The following CBR4 variants were observed in gnomAD, a reference collection of about 807,000 sequenced individuals.
CBR4 encodes carbonyl reductase 4.
In CBR4, 22 loss-of-function variants were observed where a neutral mutation model predicts 21.0. The ratio of observed to expected loss-of-function variants is 1.05; its 90% CI spans 0.75 to 1.50. The LOEUF is 1.50. Among genes scored for constraint, CBR4 ranks in the 40% most tolerant of loss-of-function variants. The probability of loss-of-function intolerance (pLI) is 0.00; values close to 1 mark genes in which losing one functional copy is unlikely to be tolerated. For missense variants in CBR4, 302 were observed against 286.3 expected (o/e 1.05, Z -0.40); for synonymous variants, 100 against 104.4 (o/e 0.96, Z 0.26).
At chr4:168,993,824 C>T (rs940036282) in intron 4 of CBR4, among the ~76,000 whole-genome samples, 5 of 152,124 alleles carry the variant, frequency 3.3e-5, no homozygotes, top group African/African-American at 1.2e-4. Context: ...CTATGCAAAT[C>T]CCAGGCTCAA....
At position 168,941,260 on chromosome 4, in the gene CBR4, A is replaced by G. The variant is rs563946297; in HGVS notation, n.170-46495T>C. 9.9e-4 allele frequency among the ~76,000 whole-genome samples: 150 copies of G among 152,246 alleles called. 1 individual carries two copies. The highest frequency in any genetic ancestry group is 3.5e-3 in the African/African-American group (145 of 41,554). On this transcript the variant is annotated intron_variant and non_coding_transcript_variant, in intron 2 of 3. Transcript: ENST00000509108. ...TTGATGGGTGCAGCAAACCACCACA[A>G]CACATGTATACCTATGTAACAAACC...
chr4:168,921,500 A>G lies in CBR4; in HGVS notation n.170-26735T>C, dbSNP rs767780298. On this transcript the variant is annotated intron_variant and non_coding_transcript_variant, in intron 2 of 3. Coordinates refer to the CBR4 transcript ENST00000509108. ...ACCAGTGATTTCACTCTGTTTTAAT[A>G]CAAAAATTTACATGTATTTCTTTTA... 10 of 1,445,698 alleles carry G rather than the reference A, an allele frequency of 6.9e-6. No homozygotes were observed. In the Admixed American group the frequency reaches 9.8e-5, roughly 14 times the overall value. The allele number at this position is 1,445,698 out of a possible 1,614,324, so 89.6% of individuals were successfully genotyped here.
chr4:169,004,181 C>A (rs939034416), intron 3 of CBR4, among the ~76,000 whole-genome samples: 4 of 152,180 alleles, frequency 2.6e-5, no homozygotes, highest in African/African-American at 9.7e-5. Flanking sequence ...AGGCAAGACC[C>A]TCCGCCAGCA....
At chr4:168,939,925 T>C (rs1763215996) in intron 2 of CBR4, among the ~76,000 whole-genome samples, 1 of 152,138 alleles carries the variant, frequency 6.6e-6, no homozygotes, top group Non-Finnish European at 1.5e-5. Context: ...CTTCACAGAA[T>C]TAGAAAAAAC....
At chr4:168,921,866 A>G in intron 2 of CBR4, 1 of 802,802 alleles carries the variant, frequency 1.2e-6, no homozygotes, top group Non-Finnish European at 2.1e-6. Context: ...GTATCATCAA[A>G]ATAGCCAATG....
chr4:168,923,096 G>A (rs1049312127), intron 2 of CBR4, among the ~76,000 whole-genome samples: 2 of 152,210 alleles, frequency 1.3e-5, no homozygotes, highest in Non-Finnish European at 2.9e-5. Flanking sequence ...CTGCAAAGTG[G>A]TAGATGTTAT....
chr4:168,918,394 T>C (rs1405316849), intron 2 of CBR4, among the ~76,000 whole-genome samples: 1 of 151,862 alleles, frequency 6.6e-6, no homozygotes, highest in Non-Finnish European at 1.5e-5. Context: ...ACAACATGGA[T>C]GAACCTGGAG....
chr4:168,919,628 A>G (rs1285113621), intron 2 of CBR4, among the ~76,000 whole-genome samples: 1 of 152,066 alleles, frequency 6.6e-6, no homozygotes, highest in African/African-American at 2.4e-5. Context: ...CCTGACGATA[A>G]GCCAAACACT....
chr4:168,961,433 T>C (rs1217371944), intron 2 of CBR4, among the ~76,000 whole-genome samples: 19 of 152,152 alleles, frequency 1.2e-4, no homozygotes, highest in Admixed American at 1.2e-3. Flanking sequence ...TCCAAAAGAA[T>C]CTAAAACATT....
intron 2 of CBR4, among the ~76,000 whole-genome samples, chr4:168,923,436 CA>C (rs1182648433): frequency 6.6e-6 from 1 of 152,120 alleles, no homozygotes; most frequent in Non-Finnish European, 1.5e-5. Flanking sequence ...GTTGGTAGTT[CA>C]AAAGAAAATA....
At chr4:168,977,250 A>G (rs560010311) in intron 2 of CBR4, among the ~76,000 whole-genome samples, 2 of 151,966 alleles carry the variant, frequency 1.3e-5, no homozygotes, top group Non-Finnish European at 2.9e-5. Context: ...GAAGTTACCA[A>G]TGATTTTCTT....
At chr4:168,925,947 G>A (rs887983241) in intron 2 of CBR4, among the ~76,000 whole-genome samples, 18 of 130,148 alleles carry the variant, frequency 1.4e-4, no homozygotes, top group Admixed American at 1.4e-3. Context: ...AGGATTCCCT[G>A]TGCTGCAGTG....
At chr4:168,922,143 A>ACC (rs1761712934) in intron 2 of CBR4, among the ~76,000 whole-genome samples, 3 of 147,902 alleles carry the variant, frequency 2.0e-5, no homozygotes, top group African/African-American at 5.0e-5. Context: ...ACACACACAC[A>ACC]CCTGGTTTTT....
At position 168,943,864 on chromosome 4, in the gene CBR4, G is replaced by A. The variant is rs527924818; in HGVS notation, n.170-49099C>T. Among the ~76,000 whole-genome samples the A allele has an allele frequency of 2.6e-5, 4 of 152,090 alleles. No individual in the cohort carries two copies. The South Asian group carries it at 6.2e-4, about 24-fold the overall frequency. Reference sequence around the variant, plus strand: ...GGTGGGGGCTGCAGTGAGCCGAGACGGAGCTACTGCACTCCAGCCTGGGTG... The same window carrying A: ...GGTGGGGGCTGCAGTGAGCCGAGACAGAGCTACTGCACTCCAGCCTGGGTG... On this transcript the variant is annotated intron_variant and non_coding_transcript_variant, in intron 2 of 3. Coordinates refer to the CBR4 transcript ENST00000509108.
chr4:168,961,222 A>T (rs1180439392), intron 2 of CBR4, among the ~76,000 whole-genome samples: 1 of 152,186 alleles, frequency 6.6e-6, no homozygotes, highest in Non-Finnish European at 1.5e-5. Context: ...GCAGATTCAG[A>T]TTTAAACAAG....
intron 2 of CBR4, among the ~76,000 whole-genome samples, chr4:168,941,112 C>T (rs529119187): frequency 5.3e-5 from 8 of 152,210 alleles, no homozygotes; most frequent in Non-Finnish European, 1.2e-4. Context: ...CATGTTCTCA[C>T]TCATAAGTGG....
chr4:168,999,222 T>C (rs747000457), intron 4 of CBR4, among the ~76,000 whole-genome samples: 10 of 152,126 alleles, frequency 6.6e-5, no homozygotes, highest in Non-Finnish European at 1.5e-4. Context: ...TGTTATAATT[T>C]GCTTTTAAAC....
rs1764764232 is a variant in CBR4, at chr4:168,988,324, A to G, written c.*1826T>C. ...TTATATTTCTTATTTTAAAGTATAAAAACATACACTTAAAGGCTAAACCTA... is the reference window on the plus strand; with the variant it reads ...TTATATTTCTTATTTTAAAGTATAAGAACATACACTTAAAGGCTAAACCTA... On this transcript the variant is annotated 3_prime_UTR_variant, in exon 5 of 5. Transcript: ENST00000306193. The G allele has an allele frequency of 9.1e-6, 9 of 985,054 alleles. No individual in the cohort carries two copies. The highest frequency in any genetic ancestry group is 1.1e-5 in the Non-Finnish European group (9 of 829,682). The allele number at this position is 985,054 out of a possible 1,614,324, so 61.0% of individuals were successfully genotyped here.
At chr4:168,932,338 CA>C (rs1414328392) in intron 2 of CBR4, among the ~76,000 whole-genome samples, 2 of 150,298 alleles carry the variant, frequency 1.3e-5, no homozygotes, top group Non-Finnish European at 3.0e-5. Context: ...TTAGACAAAG[CA>C]GGGGAAAGAA....
Sources: allele counts gnomAD v4.1 joint callset (sites outside exome capture counted in the v4.1 genomes callset), GRCh38; gene constraint gnomAD v4.1.1; transcripts MANE v1.5; gene names NCBI Gene and HGNC (gene_info 2026-07-23, HGNC 2026-07-21).